The following PDIA6 variants were observed in gnomAD, a reference collection of about 807,000 sequenced individuals.
The protein encoded by PDIA6 is protein disulfide-isomerase A6.
A neutral mutation model predicts 58.4 loss-of-function variants in PDIA6; 29 were observed. That is an observed-to-expected ratio of 0.50 (90% confidence interval 0.37 to 0.68). PDIA6 has a LOEUF of 0.68. PDIA6 is among the 30% of genes least tolerant of loss of function. The probability of loss-of-function intolerance (pLI) is 0.00; values close to 1 mark genes in which losing one functional copy is unlikely to be tolerated. For synonymous variants in PDIA6, 192 were observed against 202.6 expected (o/e 0.95, Z 0.44); for missense variants, 480 against 551.0 (o/e 0.87, Z 1.29).
intron 1 of PDIA6, among the ~76,000 whole-genome samples, chr2:10,831,782 C>T (rs959893424): frequency 6.6e-6 from 1 of 152,074 alleles, no homozygotes; most frequent in African/African-American, 2.4e-5. Context: ...ACCCAGCTCC[C>T]GGCCGTAGTC....
At chr2:10,834,603 CTTCTTTGTTATGAACACTAAGAGG>C (rs1284662254), upstream of PDIA6, among the ~76,000 whole-genome samples, 1 of 151,912 alleles carries the variant, frequency 6.6e-6, no homozygotes, top group African/African-American at 2.4e-5. Flanking sequence ...GGTCCAGGTC[CTTCTTTGTTATGAACACTAAGAGG>C]CAGGTCTCCT....
upstream of PDIA6, among the ~76,000 whole-genome samples, chr2:10,832,890 G>A (rs1667745459): frequency 6.6e-6 from 1 of 152,124 alleles, no homozygotes; most frequent in East Asian, 1.9e-4. Context: ...ACGCAGAAAA[G>A]GCAAGGTCGA....
intron 1 of PDIA6, among the ~76,000 whole-genome samples, chr2:10,808,456 G>A (rs1666853672): frequency 6.6e-6 from 1 of 152,176 alleles, no homozygotes; most frequent in Non-Finnish European, 1.5e-5. Context: ...ACCAGAGGCA[G>A]GCAAATGTAG....
Position 10,799,149 on chromosome 2 carries a change from C to T in PDIA6, c.162-1392G>A, listed in dbSNP as rs149639498. Among the ~76,000 whole-genome samples, 557 of 152,280 alleles carry T rather than the reference C, an allele frequency of 3.7e-3. 5 individuals are homozygous for T. Among genetic ancestry groups the T allele is most frequent in the African/African-American group, 0.013 (537 of 41,550 alleles). On this transcript the variant is annotated intron_variant, in intron 2 of 12. Transcript: ENST00000272227. ...AAGCGCTTTTAAAAAATTACATGTG[C>T]GTAAACCTATTAGCCCTTACCACTC...
intron 1 of PDIA6, chr2:10,820,721 G>A (rs1047917791): frequency 5.3e-5 from 37 of 702,348 alleles, no homozygotes; most frequent in East Asian, 2.1e-4. Flanking sequence ...CTGTATCAGC[G>A]GCACCAGCTG....
intron 4 of PDIA6, among the ~76,000 whole-genome samples, chr2:10,795,047 G>A (rs1017692045): frequency 6.6e-6 from 1 of 152,192 alleles, no homozygotes; most frequent in Non-Finnish European, 1.5e-5. Flanking sequence ...TAACACAGAA[G>A]GGCAAGGCCT....
upstream of PDIA6, among the ~76,000 whole-genome samples, chr2:10,816,650 C>T (rs1667206103): frequency 6.6e-6 from 1 of 151,990 alleles, no homozygotes; most frequent in Non-Finnish European, 1.5e-5. Flanking sequence ...AAGTCATGCC[C>T]TCTTGCCAGG....
intron 1 of PDIA6, among the ~76,000 whole-genome samples, chr2:10,822,095 A>G (rs1667414217): frequency 6.6e-6 from 1 of 151,524 alleles, no homozygotes; most frequent in Non-Finnish European, 1.5e-5. Context: ...ATGCACCACC[A>G]TGCCTGGCTA....
chr2:10,806,650 A>AAAGACAGACAGACAGACAG (rs1553339954), intron 1 of PDIA6, among the ~76,000 whole-genome samples: 1 of 62,924 alleles, frequency 1.6e-5, no homozygotes, highest in Non-Finnish European at 4.5e-5. Flanking sequence ...AAGAAAGAAA[A>AAAGACAGACAGACAGACAG]ACGTTACAGT....
chr2:10,818,021 G>C (rs767402037), intron 2 of PDIA6, among the ~76,000 whole-genome samples: 4 of 152,204 alleles, frequency 2.6e-5, no homozygotes, highest in African/African-American at 4.8e-5. Context: ...GAGACACACA[G>C]TGCTCCTCTC....
At chr2:10,809,061 G>A (rs531799201) in intron 1 of PDIA6, among the ~76,000 whole-genome samples, 1 of 152,212 alleles carries the variant, frequency 6.6e-6, no homozygotes, top group African/African-American at 2.4e-5. Context: ...CGCCCACCTT[G>A]GCCTCCCAAA....
At chr2:10,812,252 G>A (rs1266328996) in intron 1 of PDIA6, among the ~76,000 whole-genome samples, 1 of 152,044 alleles carries the variant, frequency 6.6e-6, no homozygotes, top group African/African-American at 2.4e-5. Flanking sequence ...TAAAGCAGGT[G>A]GCAGAAACAA....
intron 7 of PDIA6, 125 bp downstream of exon 7, chr2:10,790,594 A>G: frequency 1.5e-6 from 1 of 667,092 alleles, no homozygotes; most frequent in South Asian, 1.9e-5. Flanking sequence ...AAGTGACTTT[A>G]TCTCTTCACT....
At chr2:10,791,292 C>T (rs1205156555) in intron 6 of PDIA6, among the ~76,000 whole-genome samples, 3 of 151,714 alleles carry the variant, frequency 2.0e-5, no homozygotes, top group Non-Finnish European at 2.9e-5. Context: ...TACAGGCACA[C>T]GCCACCACAC....
chr2:10,788,824 T>A, intron 9 of PDIA6, 55 bp from the exon 10 acceptor site: 1 of 1,559,344 alleles, frequency 6.4e-7, no homozygotes, highest in Non-Finnish European at 8.8e-7. Context: ...TCCATAAAAT[T>A]AATCCATTTA....
upstream of PDIA6, among the ~76,000 whole-genome samples, chr2:10,817,114 A>C (rs1183760939): frequency 2.6e-5 from 4 of 152,116 alleles, no homozygotes; most frequent in East Asian, 7.7e-4. Flanking sequence ...GCCCGCTAGG[A>C]TCACTCTCCC....
chr2:10,812,647 C>T (rs1251579615), intron 1 of PDIA6, 31 bp downstream of exon 1: 6 of 1,516,528 alleles, frequency 4.0e-6, no homozygotes, highest in African/African-American at 1.4e-5. Context: ...GACCCCAGCT[C>T]GCCCGCCTCC....
At chr2:10,822,365 C>A (rs1003512009) in intron 1 of PDIA6, among the ~76,000 whole-genome samples, 4 of 151,448 alleles carry the variant, frequency 2.6e-5, no homozygotes, top group Non-Finnish European at 4.4e-5. Flanking sequence ...CGGGTTCATG[C>A]CATTCTCCTT....
At chr2:10,810,446 T>G (rs1456102951) in intron 1 of PDIA6, 1 of 1,365,570 alleles carries the variant, frequency 7.3e-7, no homozygotes, top group East Asian at 2.7e-5. Context: ...CAGACCAGGG[T>G]TTTTCACCTT....
Sources: gnomAD v4.1 joint callset for allele counts (sites outside exome capture counted in the v4.1 genomes callset) on GRCh38, gnomAD v4.1.1 for gene constraint, MANE v1.5 for transcripts, NCBI Gene and HGNC (gene_info 2026-07-23, HGNC 2026-07-21) for gene names.